Variants in FHIP1A observed in about 807,000 individuals in gnomAD.
FHIP1A encodes FHF complex subunit HOOK interacting protein 1A, also known as FHF complex subunit HOOK-interacting protein 1A.
In FHIP1A, 61 loss-of-function variants were observed where a neutral mutation model predicts 88.6. That is an observed-to-expected ratio of 0.69 (90% confidence interval 0.56 to 0.85). The LOEUF (loss-of-function observed/expected upper bound fraction) is 0.85. Among genes scored for constraint, FHIP1A ranks in the 40% least tolerant of loss-of-function variants. The probability of loss-of-function intolerance (pLI) is 0.00; values close to 1 mark genes in which losing one functional copy is unlikely to be tolerated. For missense variants in FHIP1A, 1,154 were observed against 1,273.5 expected (o/e 0.91, Z 1.43); for synonymous variants, 478 against 496.0 (o/e 0.96, Z 0.48).
intron 1 of FHIP1A, among the ~76,000 whole-genome samples, chr4:151,415,111 C>A (rs1214753238): frequency 6.6e-6 from 1 of 151,648 alleles, no homozygotes; most frequent in Non-Finnish European, 1.5e-5. Flanking sequence ...TATGACCATA[C>A]ATGCACATCA....
intron 5 of FHIP1A, among the ~76,000 whole-genome samples, chr4:151,580,892 C>T (rs1733996768): frequency 6.6e-6 from 1 of 152,178 alleles, no homozygotes; most frequent in African/African-American, 2.4e-5. Context: ...GAGTCTCACT[C>T]TGTCACCCAG....
intron 7 of FHIP1A, among the ~76,000 whole-genome samples, chr4:151,593,829 G>A (rs1734538658): frequency 6.6e-6 from 1 of 152,114 alleles, no homozygotes; most frequent in African/African-American, 2.4e-5. Flanking sequence ...GGGCATCCTT[G>A]TCTTGTACCA....
At chr4:151,549,291 A>C (rs1279710049) in intron 3 of FHIP1A, among the ~76,000 whole-genome samples, 2 of 152,126 alleles carry the variant, frequency 1.3e-5, no homozygotes, top group Admixed American at 1.3e-4. Context: ...AGAACCAGGA[A>C]GTTTAAAATG....
At chr4:151,454,390 A>G (rs1167619150) in intron 1 of FHIP1A, among the ~76,000 whole-genome samples, 1 of 152,184 alleles carries the variant, frequency 6.6e-6, no homozygotes, top group African/African-American at 2.4e-5. Flanking sequence ...CTTGTATGAC[A>G]CAGAACAAGC....
intron 9 of FHIP1A, among the ~76,000 whole-genome samples, chr4:151,643,022 ATTATTT>A (rs1161332439): frequency 6.6e-6 from 1 of 151,402 alleles, no homozygotes; most frequent in African/African-American, 2.4e-5. Context: ...TTAGTCTCTG[ATTATTT>A]TTATAGTTTC....
chr4:151,506,556 G>A lies in FHIP1A; in HGVS notation c.-123+23908G>A, dbSNP rs1376749630. ...TTGCGGAAGGTGAAGAGAAGCTGCTGTATGTGGAGGTCACATGGTAAGAGA... is the reference window on the plus strand; with the variant it reads ...TTGCGGAAGGTGAAGAGAAGCTGCTATATGTGGAGGTCACATGGTAAGAGA... On this transcript the variant is annotated intron_variant, in intron 3 of 13. Transcript: ENST00000435205. 2.0e-5 allele frequency among the ~76,000 whole-genome samples: 3 copies of A among 152,152 alleles called. No homozygotes were observed. The East Asian group carries it at 5.8e-4, about 29-fold the overall frequency.
chr4:151,538,550 G>C (rs1045952954), intron 3 of FHIP1A, among the ~76,000 whole-genome samples: 1 of 152,178 alleles, frequency 6.6e-6, no homozygotes, highest in African/African-American at 2.4e-5. Context: ...TAAAGTTTTT[G>C]AATAGTTACC....
chr4:151,630,550 T>C (rs1736117958), intron 8 of FHIP1A, among the ~76,000 whole-genome samples: 1 of 152,084 alleles, frequency 6.6e-6, no homozygotes, highest in Non-Finnish European at 1.5e-5. Context: ...TAATATAAAC[T>C]TGAAGTAAAT....
chr4:151,468,361 C>T (rs1729401386), intron 2 of FHIP1A, among the ~76,000 whole-genome samples: 1 of 151,600 alleles, frequency 6.6e-6, no homozygotes, highest in Admixed American at 6.6e-5. Context: ...AGGCTGGAGC[C>T]CAAGCAATTT....
intron 2 of FHIP1A, among the ~76,000 whole-genome samples, chr4:151,461,680 C>G (rs1157690019): frequency 6.6e-6 from 1 of 152,110 alleles, no homozygotes; most frequent in African/African-American, 2.4e-5. Context: ...GCTATATTAG[C>G]CTCCAGGGAA....
At chr4:151,586,019 C>T (rs987917616) in intron 5 of FHIP1A, among the ~76,000 whole-genome samples, 2 of 152,130 alleles carry the variant, frequency 1.3e-5, no homozygotes, top group Admixed American at 1.3e-4. Flanking sequence ...ACCCCCAATT[C>T]TTTCTCCTTG....
intron 11 of FHIP1A, among the ~76,000 whole-genome samples, chr4:151,652,576 A>C (rs1412129046): frequency 6.6e-6 from 1 of 152,242 alleles, no homozygotes; most frequent in East Asian, 1.9e-4. Flanking sequence ...AAAGGAATTC[A>C]CAGACTTTTA....
chr4:151,504,748 GA>G (rs1730772621), intron 3 of FHIP1A, among the ~76,000 whole-genome samples: 1 of 152,096 alleles, frequency 6.6e-6, no homozygotes, highest in African/African-American at 2.4e-5. Context: ...CAGCCTCCCA[GA>G]TAGCTGGGAT....
At chr4:151,465,155 A>G (rs184433138) in intron 2 of FHIP1A, among the ~76,000 whole-genome samples, 1 of 152,306 alleles carries the variant, frequency 6.6e-6, no homozygotes, top group East Asian at 1.9e-4. Context: ...TGATCGCACC[A>G]TTGCACTGCA....
At chr4:151,485,136 T>A (rs1337082125) in intron 3 of FHIP1A, among the ~76,000 whole-genome samples, 1 of 152,196 alleles carries the variant, frequency 6.6e-6, no homozygotes, top group Non-Finnish European at 1.5e-5. Flanking sequence ...TTTGCACATA[T>A]CTTTTCATAA....
At position 151,579,072 on chromosome 4, in the gene FHIP1A, AT is replaced by A. The variant is rs141396696; in HGVS notation, c.732+1003del. Among the ~76,000 whole-genome samples the A allele has an allele frequency of 3.0e-4, 46 of 152,216 alleles. No individual in the cohort carries two copies. In the South Asian group the frequency reaches 9.1e-3, roughly 30 times the overall value. On this transcript the variant is annotated intron_variant, in intron 5 of 13. Coordinates refer to ENST00000435205, the MANE Select transcript of FHIP1A (RefSeq NM_001109977.3). ...AAACTATGGAGACAGTAAAAAGATC[AT>A]TTTTTTCCCCTGAGCATTGGGGCAG...
chr4:151,566,758 C>G (rs1033412936), intron 4 of FHIP1A, among the ~76,000 whole-genome samples: 2 of 152,148 alleles, frequency 1.3e-5, no homozygotes, highest in Non-Finnish European at 2.9e-5. Context: ...TAAACATTTA[C>G]CAAGTACTCT....
intron 1 of FHIP1A, among the ~76,000 whole-genome samples, chr4:151,437,382 G>A (rs1050205502): frequency 6.6e-6 from 1 of 152,022 alleles, no homozygotes; most frequent in African/African-American, 2.4e-5. Context: ...GCCAACATAG[G>A]CTATTTTCCT....
intron 7 of FHIP1A, among the ~76,000 whole-genome samples, chr4:151,597,673 T>A (rs1475015314): frequency 1.3e-5 from 2 of 152,118 alleles, no homozygotes; most frequent in Non-Finnish European, 2.9e-5. Flanking sequence ...AGATGGGAGT[T>A]TTATCTCTAA....
Sources: allele counts gnomAD v4.1 joint callset (sites outside exome capture counted in the v4.1 genomes callset), GRCh38; gene constraint gnomAD v4.1.1; transcripts MANE v1.5; gene names NCBI Gene and HGNC (gene_info 2026-07-23, HGNC 2026-07-21).